RMDN2: variants seen among roughly 807,000 people sequenced by gnomAD.
RMDN2 encodes regulator of microtubule dynamics protein 2.
Under a neutral mutation model 52.8 loss-of-function variants are expected in RMDN2, and 61 were observed. The ratio of observed to expected loss-of-function variants is 1.16; its 90% CI spans 0.94 to 1.43. RMDN2 has a LOEUF of 1.43. Ranked by LOEUF, RMDN2 falls within the 40% of genes most tolerant of loss-of-function variation. RMDN2 has a pLI of 0.00. For synonymous variants in RMDN2, 180 were observed against 153.1 expected, an observed-to-expected ratio of 1.18 and a Z score of -1.30; for missense variants, 592 against 475.3, an observed-to-expected ratio of 1.25 and a Z score of -2.28.
In RMDN2 at chr2:37,929,596, A is replaced by G. The variant is rs1666556331; in HGVS notation, c.319A>G (p.Ile107Val). 3 of 1,551,702 alleles carry G rather than the reference A, an allele frequency of 1.9e-6. No homozygotes were observed. The highest frequency in any genetic ancestry group is 1.4e-5 in the African/African-American group (1 of 73,058). Residue 107 changes from isoleucine (I) to valine (V), a missense_variant, in exon 2 of 11, where the codon ATA (isoleucine) becomes GTA (valine). Transcript: ENST00000354545. ...KEAIPKLEEY[I>V]QDELGGKITV... ...AGCTATTCCAAAGCTGGAGGAATAT[A>G]TACAAGATGAACTTGGAGGGAAAAT...
intron 2 of RMDN2, among the ~76,000 whole-genome samples, chr2:37,934,371 G>C (rs1226724073): frequency 6.6e-6 from 1 of 152,090 alleles, no homozygotes; most frequent in African/African-American, 2.4e-5. Flanking sequence ...CTGGGGCTCA[G>C]CTGATTTTCT....
At chr2:38,018,574 G>C (rs1010972301), downstream of RMDN2, among the ~76,000 whole-genome samples, 7 of 152,064 alleles carry the variant, frequency 4.6e-5, no homozygotes, top group African/African-American at 1.7e-4. Flanking sequence ...TATAGGCAAC[G>C]GCACAGAACA....
At chr2:37,969,236 G>A (rs1054175123) in intron 2 of RMDN2, among the ~76,000 whole-genome samples, 3 of 151,774 alleles carry the variant, frequency 2.0e-5, no homozygotes, top group African/African-American at 7.3e-5. Context: ...TTAGGGTCAG[G>A]TCTGTTCCAT....
rs572545207 is a variant in RMDN2, at chr2:37,989,882, G to A, written c.867+266G>A. ...TAGTTGGCCGGGCACAGAGGCTCAC[G>A]CCTGTAATCCCAGCACTTTGGGAGG... On this transcript the variant is annotated intron_variant, in intron 6 of 10. Coordinates refer to ENST00000354545, the MANE Select transcript of RMDN2 (RefSeq NM_001170791.3). Among the ~76,000 whole-genome samples the A allele has an allele frequency of 7.2e-5, 11 of 152,218 alleles. No individual in the cohort carries two copies. The South Asian group carries it at 1.5e-3, about 20-fold the overall frequency.
At chr2:38,006,711 G>A (rs964841869) in intron 10 of RMDN2, among the ~76,000 whole-genome samples, 9 of 152,106 alleles carry the variant, frequency 5.9e-5, no homozygotes, top group African/African-American at 2.2e-4. Flanking sequence ...TCTCCTGCCT[G>A]ATTGCCCTGG....
At chr2:37,991,700 C>T (rs1229706748) in intron 7 of RMDN2, among the ~76,000 whole-genome samples, 3 of 152,096 alleles carry the variant, frequency 2.0e-5, no homozygotes, top group East Asian at 1.9e-4. Flanking sequence ...ACACTATTCA[C>T]GGTTCTGTGA....
At chr2:37,939,564 T>C (rs1667601382) in intron 2 of RMDN2, among the ~76,000 whole-genome samples, 1 of 152,240 alleles carries the variant, frequency 6.6e-6, no homozygotes, top group African/African-American at 2.4e-5. Flanking sequence ...GCTTTATGAA[T>C]CTGGGTGCTC....
chr2:37,973,982 T>G, intron 2 of RMDN2, 58 bp from the exon 3 acceptor site: 1 of 1,332,240 alleles, frequency 7.5e-7, no homozygotes, highest in Non-Finnish European at 1.1e-6. Context: ...TTAAAAGGAA[T>G]GCTCTGGCTA....
chr2:37,969,472 TTA>T (rs1445869037), intron 2 of RMDN2, among the ~76,000 whole-genome samples: 1 of 151,458 alleles, frequency 6.6e-6, no homozygotes, highest in Non-Finnish European at 1.5e-5. Context: ...TTTCTTACTA[TTA>T]TAAATGTTAT....
intron 10 of RMDN2, among the ~76,000 whole-genome samples, chr2:38,008,211 G>T (rs529704027): frequency 2.6e-5 from 4 of 152,212 alleles, no homozygotes; most frequent in Non-Finnish European, 5.9e-5. Context: ...TTCTGTAGAT[G>T]TCTGTTAGGT....
At chr2:38,018,235 A>G (rs1317010029), downstream of RMDN2, among the ~76,000 whole-genome samples, 3 of 152,236 alleles carry the variant, frequency 2.0e-5, no homozygotes, top group Non-Finnish European at 4.4e-5. Flanking sequence ...AAAGCATTCA[A>G]TGCTAGCAAT....
Position 37,958,191 on chromosome 2 carries a change from G to C in RMDN2, c.453-15849G>C, listed in dbSNP as rs367930713. 2.6e-5 allele frequency among the ~76,000 whole-genome samples: 4 copies of C among 152,276 alleles called. No homozygotes were observed. In the South Asian group the frequency reaches 8.3e-4, roughly 32 times the overall value. ...TTCTAATTCTGTGAAGAAAGTCAAT[G>C]GTAGCTTGATGGGAATAGCATTAAA... On this transcript the variant is annotated intron_variant, in intron 2 of 10. Transcript: ENST00000354545.
intron 2 of RMDN2, among the ~76,000 whole-genome samples, chr2:37,950,918 G>C (rs1483580166): frequency 1.3e-5 from 2 of 151,942 alleles, no homozygotes; most frequent in East Asian, 3.9e-4. Flanking sequence ...TGGTATCCTT[G>C]CATATGTTTC....
intron 2 of RMDN2, chr2:37,949,829 C>G (rs147706733): frequency 1.3e-5 from 2 of 153,024 alleles, no homozygotes; most frequent in East Asian, 3.9e-4. Context: ...GGGACAATAG[C>G]CCAAATTGGT....
intron 10 of RMDN2, among the ~76,000 whole-genome samples, chr2:38,010,149 T>C (rs1350744045): frequency 1.3e-5 from 2 of 152,218 alleles, no homozygotes; most frequent in African/African-American, 4.8e-5. Flanking sequence ...GTTAGGCTAC[T>C]CAGGGGTCAG....
At chr2:37,921,981 A>T (rs1160140833), upstream of RMDN2, among the ~76,000 whole-genome samples, 3 of 152,118 alleles carry the variant, frequency 2.0e-5, no homozygotes, top group African/African-American at 7.2e-5. Flanking sequence ...TGATTCGGGG[A>T]ACTCAGAGCT....
chr2:37,938,468 T>C (rs1203267871), intron 2 of RMDN2, among the ~76,000 whole-genome samples: 2 of 152,110 alleles, frequency 1.3e-5, no homozygotes, highest in Non-Finnish European at 2.9e-5. Context: ...TCAGAAGGAA[T>C]GGTACCGCTC....
chr2:37,968,930 CT>C (rs1671438012), intron 2 of RMDN2, among the ~76,000 whole-genome samples: 1 of 151,960 alleles, frequency 6.6e-6, no homozygotes, highest in Non-Finnish European at 1.5e-5. Flanking sequence ...TGGATATGCC[CT>C]ATTTTTAAAA....
chr2:37,966,291 C>T (rs1257736408), intron 2 of RMDN2, among the ~76,000 whole-genome samples: 1 of 152,042 alleles, frequency 6.6e-6, no homozygotes, highest in Non-Finnish European at 1.5e-5. Flanking sequence ...GTGGCAGGCA[C>T]CTGTAGTCCC....
Sources: gnomAD v4.1 joint callset for allele counts (sites outside exome capture counted in the v4.1 genomes callset) on GRCh38, gnomAD v4.1.1 for gene constraint, MANE v1.5 for transcripts, NCBI Gene and HGNC (gene_info 2026-07-23, HGNC 2026-07-21) for gene names.